The following DZIP3 variants were observed in gnomAD, a reference collection of about 807,000 sequenced individuals.
DZIP3 encodes the protein E3 ubiquitin-protein ligase DZIP3.
In DZIP3, 118 loss-of-function variants were observed where a neutral mutation model predicts 162.0. The ratio of observed to expected loss-of-function variants is 0.73; its 90% CI spans 0.63 to 0.85. The LOEUF (loss-of-function observed/expected upper bound fraction) is 0.85, where lower values mean the gene tolerates loss of function less well. DZIP3 is among the 40% of genes least tolerant of loss of function. DZIP3 has a pLI of 0.00. For missense variants in DZIP3, 1,331 were observed against 1,407.0 expected (o/e 0.95, Z 0.86); for synonymous variants, 438 against 458.6 (o/e 0.96, Z 0.57).
chr3:108,622,877 T>TCC (rs1559734615), intron 5 of DZIP3, among the ~76,000 whole-genome samples: 3 of 133,568 alleles, frequency 2.2e-5, no homozygotes, highest in Non-Finnish European at 4.9e-5. Flanking sequence ...TCTCTCTCTC[T>TCC]CTCTGTGTGT....
chr3:108,600,825 GA>G (rs970491847), intron 1 of DZIP3, among the ~76,000 whole-genome samples: 8 of 152,066 alleles, frequency 5.3e-5, no homozygotes, highest in African/African-American at 1.9e-4. Context: ...TTTAGATAAG[GA>G]ATACCCTTAC....
At position 108,611,338 on chromosome 3, in the gene DZIP3, A is replaced by G. The variant is rs772440493; in HGVS notation, c.258+9A>G. The stretch of plus-strand genomic sequence containing the variant: ...CCTTCCAAACTATGCAGGTAACGTC[A>G]TAAGTTGTTATTTGGGGCAGAAGTG... On this transcript the variant is annotated intron_variant, in intron 4 of 32. Coordinates refer to ENST00000361582, the MANE Select transcript of DZIP3 (RefSeq NM_014648.4). The G allele has an allele frequency of 1.1e-5, 17 of 1,610,120 alleles. No homozygotes were observed. Among genetic ancestry groups the G allele is most frequent in the Non-Finnish European group, 1.3e-5 (15 of 1,178,708 alleles).
intron 10 of DZIP3, among the ~76,000 whole-genome samples, chr3:108,636,125 T>G (rs992841165): frequency 2.0e-5 from 3 of 151,980 alleles, no homozygotes; most frequent in African/African-American, 7.2e-5. Flanking sequence ...CATTTTTAAG[T>G]GGTATATACT....
chr3:108,624,593 A>G, intron 6 of DZIP3, 69 bp downstream of exon 6: 1 of 791,866 alleles, frequency 1.3e-6, no homozygotes, highest in Non-Finnish European at 2.0e-6. Flanking sequence ...AAAGATTATA[A>G]TATGAAACTA....
intron 3 of DZIP3, among the ~76,000 whole-genome samples, chr3:108,609,770 G>T (rs115314869): frequency 0.013 from 1,947 of 152,270 alleles, 54 homozygotes; most frequent in African/African-American, 0.044. Context: ...GTGCTTGGGA[G>T]GTCAAGGCTG....
chr3:108,650,787 C>T (rs994394561), intron 17 of DZIP3, among the ~76,000 whole-genome samples: 2 of 151,434 alleles, frequency 1.3e-5, no homozygotes, highest in African/African-American at 4.8e-5. Flanking sequence ...CAATACTCAC[C>T]TCTATCATCT....
At chr3:108,653,812 A>G (rs188865056) in intron 18 of DZIP3, among the ~76,000 whole-genome samples, 1 of 152,148 alleles carries the variant, frequency 6.6e-6, no homozygotes, top group East Asian at 1.9e-4. Flanking sequence ...AATGCTTGCC[A>G]ATATTTCTGA....
intron 26 of DZIP3, among the ~76,000 whole-genome samples, 164 bp from the exon 27 acceptor site, chr3:108,684,052 G>A (rs1392444577): frequency 1.3e-5 from 2 of 149,598 alleles, no homozygotes; most frequent in Non-Finnish European, 3.0e-5. Context: ...ATATTCATAT[G>A]TTTCATTTTC....
At chr3:108,679,716 A>G (rs1019444732) in intron 26 of DZIP3, among the ~76,000 whole-genome samples, 16 of 152,098 alleles carry the variant, frequency 1.1e-4, no homozygotes, top group Non-Finnish European at 2.4e-4. Flanking sequence ...CTTGGGAAAA[A>G]TCAGCTCTTC....
intron 21 of DZIP3, among the ~76,000 whole-genome samples, chr3:108,666,528 A>C (rs1287151361): frequency 6.6e-6 from 1 of 152,198 alleles, no homozygotes; most frequent in Non-Finnish European, 1.5e-5. Flanking sequence ...AATAACCACC[A>C]TCAACCAGCA....
chr3:108,595,532 G>A (rs1308640586), intron 1 of DZIP3, among the ~76,000 whole-genome samples: 2 of 152,078 alleles, frequency 1.3e-5, no homozygotes, highest in African/African-American at 4.8e-5. Flanking sequence ...TTTATTACTT[G>A]TCTGTACTTT....
chr3:108,635,113 C>T (rs1271814424), intron 10 of DZIP3, 141 bp downstream of exon 10: 2 of 520,980 alleles, frequency 3.8e-6, no homozygotes, highest in Non-Finnish European at 6.8e-6. Flanking sequence ...CTTTTACTTC[C>T]TTCTTTGTTC....
Position 108,642,420 on chromosome 3 carries a change from A to T in DZIP3, c.1065-18A>T, listed in dbSNP as rs1172698689. The T allele has an allele frequency of 1.7e-5, 25 of 1,467,926 alleles. No individual in the cohort carries two copies. Among genetic ancestry groups the T allele is most frequent in the Non-Finnish European group, 2.1e-5 (23 of 1,087,902 alleles). The allele number at this position is 1,467,926 out of a possible 1,614,324, so 90.9% of individuals were successfully genotyped here. On this transcript the variant is annotated intron_variant, in intron 12 of 32. Transcript: ENST00000361582. Reference sequence around the variant, plus strand: ...ATTATTTTATTTCCACTATAACTTAATTTTTTTCCTTTTGCAGTTATAGAA... The same window carrying T: ...ATTATTTTATTTCCACTATAACTTATTTTTTTTCCTTTTGCAGTTATAGAA...
chr3:108,672,731 T>G, intron 23 of DZIP3, 75 bp downstream of exon 23: 1 of 1,122,010 alleles, frequency 8.9e-7, no homozygotes, highest in Non-Finnish European at 1.3e-6. Flanking sequence ...CTAAAGAATT[T>G]GTAAAAGATT....
rs796232998 is a variant in DZIP3, at chr3:108,622,880, C to CTCTCTCTCTCTCTGTG, written c.376-1563_376-1562insCTCTCTCTCTCTGTGT. Reference sequence around the variant, plus strand: ...TCTCTCTCTCTCTCTCTCTCTCTCTCTGTGTGTGTGTGTGTGTATGGAGCT... The same window carrying CTCTCTCTCTCTCTGTG: ...TCTCTCTCTCTCTCTCTCTCTCTCTCTCTCTCTCTCTCTGTGTGTGTGTGTGTGTGTGTATGGAGCT... On this transcript the variant is annotated intron_variant, in intron 5 of 32. Transcript: ENST00000361582. Among the ~76,000 whole-genome samples the CTCTCTCTCTCTCTGTG allele has an allele frequency of 2.2e-3, 116 of 53,088 alleles. 1 individual carries two copies. The highest frequency in any genetic ancestry group is 3.3e-3 in the African/African-American group (42 of 12,830). The allele number at this position is 53,088 out of a possible 152,430, so 34.8% of individuals were successfully genotyped here. A position where few individuals can be genotyped will look rare whatever the true frequency, so the allele number is the denominator to read the frequency against.
intron 9 of DZIP3, among the ~76,000 whole-genome samples, chr3:108,634,295 ACAGCATG>A (rs1201723213): frequency 6.6e-6 from 1 of 152,184 alleles, no homozygotes; most frequent in Non-Finnish European, 1.5e-5. Flanking sequence ...CAAATGAACA[ACAGCATG>A]CAGCAGCAGG....
At chr3:108,682,171 G>A (rs1944340290) in intron 26 of DZIP3, among the ~76,000 whole-genome samples, 1 of 151,022 alleles carries the variant, frequency 6.6e-6, no homozygotes, top group Admixed American at 6.6e-5. Context: ...CACACTGTTG[G>A]TGGGAATGTA....
intron 1 of DZIP3, among the ~76,000 whole-genome samples, chr3:108,597,473 A>T (rs1368454639): frequency 2.0e-5 from 3 of 152,218 alleles, no homozygotes; most frequent in East Asian, 3.9e-4. Flanking sequence ...GTAAGTAAAG[A>T]TGAAAATGAT....
intron 5 of DZIP3, among the ~76,000 whole-genome samples, chr3:108,618,254 A>G (rs1450934301): frequency 6.6e-6 from 1 of 152,212 alleles, no homozygotes; most frequent in Non-Finnish European, 1.5e-5. Flanking sequence ...TAATTATAGC[A>G]TTACCACAAT....
Sources: allele counts gnomAD v4.1 joint callset (sites outside exome capture counted in the v4.1 genomes callset), GRCh38; gene constraint gnomAD v4.1.1; transcripts MANE v1.5; gene names NCBI Gene and HGNC (gene_info 2026-07-23, HGNC 2026-07-21).